The following ITGB5 variants were observed in gnomAD, a reference collection of about 807,000 sequenced individuals.
ITGB5 encodes integrin beta-5.
Under a neutral mutation model 84.8 loss-of-function variants are expected in ITGB5, and 38 were observed. The ratio of observed to expected loss-of-function variants is 0.45; its 90% confidence interval spans 0.35 to 0.59. The LOEUF (loss-of-function observed/expected upper bound fraction) is 0.59, where lower values mean the gene tolerates loss of function less well. Among genes scored for constraint, ITGB5 ranks in the 20% least tolerant of loss-of-function variants. The pLI is 0.01. For synonymous variants in ITGB5, 393 were observed against 414.4 expected (o/e 0.95, Z 0.63); for missense variants, 905 against 1,034.5 (o/e 0.87, Z 1.72).
intron 2 of ITGB5, among the ~76,000 whole-genome samples, chr3:124,863,805 C>T (rs1045349586): frequency 1.3e-5 from 2 of 152,034 alleles, no homozygotes; most frequent in Non-Finnish European, 2.9e-5. Context: ...TAAGCCACAA[C>T]ACCTGGCCTA....
chr3:124,825,899 G>A lies in ITGB5; in HGVS notation c.781-4425C>T, dbSNP rs181500208. 3.5e-3 allele frequency among the ~76,000 whole-genome samples: 535 copies of A among 152,214 alleles called. 2 individuals carry two copies. Among genetic ancestry groups the A allele is most frequent in the Middle Eastern group, 6.8e-3 (2 of 294 alleles). On this transcript the variant is annotated intron_variant, in intron 5 of 14. Coordinates refer to ENST00000296181, the MANE Select transcript of ITGB5 (RefSeq NM_002213.5). ...ATGCAACAGTATTTTTATTAATAGT[G>A]AGAAAAAGGGAAAGGCATGAATATC...
chr3:124,896,588 T>C (rs188690579), intron 1 of ITGB5, among the ~76,000 whole-genome samples: 1 of 151,294 alleles, frequency 6.6e-6, no homozygotes, highest in East Asian at 2.0e-4. Flanking sequence ...GCTCGTCTCA[T>C]GAAAAATTAG....
chr3:124,884,426 C>T (rs555277423), intron 1 of ITGB5, among the ~76,000 whole-genome samples: 52 of 152,222 alleles, frequency 3.4e-4, no homozygotes, highest in African/African-American at 1.1e-3. Flanking sequence ...AGAGGCCAGC[C>T]GTGGTGGCTC....
intron 1 of ITGB5, among the ~76,000 whole-genome samples, chr3:124,881,840 C>T (rs1038211562): frequency 1.3e-4 from 20 of 152,052 alleles, no homozygotes; most frequent in Admixed American, 2.0e-4. Context: ...CGGTGGTGTA[C>T]GCCTGTAATC....
chr3:124,842,999 C>CT (rs1345184594), intron 4 of ITGB5, among the ~76,000 whole-genome samples: 1 of 152,238 alleles, frequency 6.6e-6, no homozygotes, highest in Non-Finnish European at 1.5e-5. Context: ...CGCTCTCCCT[C>CT]TCGGGGCCGG....
At position 124,762,293 on chromosome 3, in the gene ITGB5, G is replaced by T. The variant is rs914406985; in HGVS notation, c.*1330C>A. The T allele has an allele frequency of 5.3e-5, 8 of 152,182 alleles. No homozygotes were observed. Among genetic ancestry groups the T allele is most frequent in the African/African-American group, 1.9e-4 (8 of 41,442 alleles). The allele number at this position is 152,182 out of a possible 1,614,324, so 9.4% of individuals were successfully genotyped here. ...ATTCCAGTGACAAAAAATGATCAGT[G>T]AAAGATTTTCTAAGAGCAAGCAGGA... is the stretch of plus-strand genomic sequence containing the variant. On this transcript the variant is annotated 3_prime_UTR_variant, in exon 15 of 15. Coordinates refer to ENST00000296181, the MANE Select transcript of ITGB5 (RefSeq NM_002213.5).
intron 10 of ITGB5, 57 bp from the exon 11 acceptor site, chr3:124,773,969 A>C (rs530455604): frequency 6.8e-7 from 1 of 1,471,668 alleles, no homozygotes; most frequent in East Asian, 2.3e-5. Flanking sequence ...TGAGCACATA[A>C]CCATCTGGTG....
chr3:124,828,703 T>C lies in ITGB5; in HGVS notation c.781-7229A>G, dbSNP rs1559956573. Among the ~76,000 whole-genome samples, 3 of 152,366 alleles carry C rather than the reference T, an allele frequency of 2.0e-5. No homozygotes were observed. In the South Asian group the frequency reaches 6.2e-4, roughly 32 times the overall value. ...TTATACTTCGATGCTCAGGCTGGTC[T>C]TGAACTCCTAGGCTCAAGCCATCGC... On this transcript the variant is annotated intron_variant, in intron 5 of 14. Transcript: ENST00000296181.
At chr3:124,781,380 A>C (rs998316487) in intron 10 of ITGB5, 33 of 152,346 alleles carry the variant, frequency 2.2e-4, no homozygotes, top group African/African-American at 8.0e-4. Flanking sequence ...GTGTGTCCCC[A>C]CCTGACCTGT....
intron 7 of ITGB5, 60 bp from the exon 8 acceptor site, chr3:124,817,770 G>T: frequency 1.1e-6 from 1 of 945,934 alleles, no homozygotes; most frequent in Non-Finnish European, 1.7e-6. Flanking sequence ...CCATCAGAGT[G>T]AGCATTGCTA....
chr3:124,827,927 C>A (rs1390394335), intron 5 of ITGB5, among the ~76,000 whole-genome samples: 1 of 149,504 alleles, frequency 6.7e-6, no homozygotes, highest in Non-Finnish European at 1.5e-5. Flanking sequence ...CAGAGAACAA[C>A]CCCCTTTGAC....
chr3:124,871,219 G>A (rs1223289012), intron 2 of ITGB5, among the ~76,000 whole-genome samples: 1 of 151,738 alleles, frequency 6.6e-6, no homozygotes, highest in Non-Finnish European at 1.5e-5. Context: ...TTTTGAGACA[G>A]AGTCTCGCCC....
intron 10 of ITGB5, among the ~76,000 whole-genome samples, chr3:124,790,822 G>A (rs1258676725): frequency 1.3e-5 from 2 of 152,012 alleles, no homozygotes; most frequent in African/African-American, 2.4e-5. Flanking sequence ...AAGGTGAGAC[G>A]TATACATGAG....
chr3:124,806,928 G>A (rs2064414667), intron 9 of ITGB5, among the ~76,000 whole-genome samples: 1 of 151,952 alleles, frequency 6.6e-6, no homozygotes, highest in Admixed American at 6.6e-5. Flanking sequence ...AATGAGATGA[G>A]GCTTTCCCCC....
At chr3:124,791,372 T>C (rs1002998269) in intron 10 of ITGB5, 1 of 152,228 alleles carries the variant, frequency 6.6e-6, no homozygotes, top group Non-Finnish European at 1.5e-5. Context: ...ACAAAAGTAA[T>C]AACAGAGTTG....
chr3:124,899,077 A>AAAAAAAAAGAAAAG (rs140915803), intron 1 of ITGB5, among the ~76,000 whole-genome samples: 2 of 150,586 alleles, frequency 1.3e-5, no homozygotes, highest in Non-Finnish European at 3.0e-5. Context: ...CTCTGTCTCA[A>AAAAAAAAAGAAAAG]AAAAAAAAGA....
At chr3:124,785,745 T>C (rs542709249) in intron 10 of ITGB5, among the ~76,000 whole-genome samples, 2 of 152,280 alleles carry the variant, frequency 1.3e-5, no homozygotes, top group African/African-American at 4.8e-5. Context: ...GCTTGGTCCA[T>C]GTGTATCCTC....
chr3:124,873,599 T>C (rs1261946813), intron 1 of ITGB5, 68 bp from the exon 2 acceptor site: 1 of 1,148,028 alleles, frequency 8.7e-7, no homozygotes, highest in Non-Finnish European at 1.3e-6. Flanking sequence ...AGCCTTTGAA[T>C]AGGGGGAATT....
rs62265643 is a variant in ITGB5, at chr3:124,855,022, T to C, written c.361+4220A>G. On this transcript the variant is annotated intron_variant, in intron 3 of 14. Transcript: ENST00000296181. ...AGACACAAAAGCATTTCTAAAAATA[T>C]ACAATGGAGGCCCAGCGCAGTGGCT... 3.0e-3 allele frequency among the ~76,000 whole-genome samples: 452 copies of C among 152,224 alleles called. 1 individual carries two copies. The highest frequency in any genetic ancestry group is 5.1e-3 in the Non-Finnish European group (349 of 68,026).
Sources: gnomAD v4.1 joint callset for allele counts (sites outside exome capture counted in the v4.1 genomes callset) on GRCh38, gnomAD v4.1.1 for gene constraint, MANE v1.5 for transcripts, NCBI Gene and HGNC (gene_info 2026-07-23, HGNC 2026-07-21) for gene names.